The following OPCML variants were observed in gnomAD, a reference collection of about 807,000 sequenced individuals.
OPCML encodes the protein opioid-binding protein/cell adhesion molecule.
In OPCML, 13 loss-of-function variants were observed where a neutral mutation model predicts 37.8. That is an observed-to-expected ratio of 0.34 (90% CI 0.22 to 0.55). The LOEUF (loss-of-function observed/expected upper bound fraction) is 0.55. Among genes scored for constraint, OPCML ranks in the 20% least tolerant of loss-of-function variants. The pLI is 0.91. For missense variants in OPCML, 341 were observed against 435.6 expected (o/e 0.78, Z 1.93); for synonymous variants, 176 against 168.8 (o/e 1.04, Z -0.33).
chr11:133,262,191 T>C (rs1303164680), intron 1 of OPCML, among the ~76,000 whole-genome samples: 1 of 152,210 alleles, frequency 6.6e-6, no homozygotes, highest in East Asian at 1.9e-4. Flanking sequence ...TTATCTCACA[T>C]ATTTGACGTT....
chr11:132,547,888 A>G (rs1236850134), intron 3 of OPCML, among the ~76,000 whole-genome samples: 1 of 152,048 alleles, frequency 6.6e-6, no homozygotes, highest in African/African-American at 2.4e-5. Flanking sequence ...GAGAGACCCA[A>G]AGGAGCTCTC....
At chr11:133,260,858 T>C (rs1164453793) in intron 1 of OPCML, among the ~76,000 whole-genome samples, 1 of 142,918 alleles carries the variant, frequency 7.0e-6, no homozygotes, top group Non-Finnish European at 1.5e-5. Context: ...TCTTCCTTGA[T>C]GCCTTAGTAC....
At chr11:133,064,319 C>T (rs993230018) in intron 1 of OPCML, among the ~76,000 whole-genome samples, 2 of 152,230 alleles carry the variant, frequency 1.3e-5, no homozygotes, top group Non-Finnish European at 2.9e-5. Context: ...CGCTGGGCAG[C>T]CCCTGGTACC....
chr11:132,692,077 G>A (rs1035277007), intron 2 of OPCML, among the ~76,000 whole-genome samples: 1 of 152,128 alleles, frequency 6.6e-6, no homozygotes, highest in African/African-American at 2.4e-5. Context: ...CCTGCTCCCC[G>A]ACTGATTTCT....
chr11:132,840,312 G>T (rs377448170), intron 2 of OPCML, among the ~76,000 whole-genome samples: 1 of 152,210 alleles, frequency 6.6e-6, no homozygotes, highest in Admixed American at 6.5e-5. Flanking sequence ...GGTTGCCTTT[G>T]AAATATTAGA....
intron 3 of OPCML, among the ~76,000 whole-genome samples, chr11:132,643,814 TAGAG>T (rs1356154341): frequency 6.6e-6 from 1 of 152,196 alleles, no homozygotes; most frequent in African/African-American, 2.4e-5. Context: ...TGGTCTGCGT[TAGAG>T]AGCCATGTGC....
intron 3 of OPCML, among the ~76,000 whole-genome samples, chr11:132,536,462 G>T (rs1565645984): frequency 6.6e-6 from 1 of 152,116 alleles, no homozygotes; most frequent in African/African-American, 2.4e-5. Context: ...CAGAGATATG[G>T]AGATTAGATT....
At chr11:133,344,890 C>T (rs1359087373) in intron 1 of OPCML, among the ~76,000 whole-genome samples, 1 of 152,110 alleles carries the variant, frequency 6.6e-6, no homozygotes, top group Admixed American at 6.5e-5. Context: ...ATTGGGACAC[C>T]TCTTAGGAGC....
intron 1 of OPCML, among the ~76,000 whole-genome samples, chr11:133,489,605 A>C (rs958359161): frequency 2.0e-5 from 3 of 152,162 alleles, no homozygotes; most frequent in African/African-American, 4.8e-5. Context: ...CAGAGACTAA[A>C]AAATGCTTAT....
rs183214328 is a variant in OPCML, at chr11:132,903,457, A to G, written c.146+39469T>C. Among the ~76,000 whole-genome samples the G allele has an allele frequency of 1.3e-3, 197 of 152,200 alleles. 1 individual carries two copies. The highest frequency in any genetic ancestry group is 4.6e-3 in the African/African-American group (189 of 41,534). On this transcript the variant is annotated intron_variant, in intron 2 of 7. Coordinates refer to ENST00000524381, the MANE Select transcript of OPCML (RefSeq NM_001012393.5). The stretch of plus-strand genomic sequence containing the variant: ...TAAGCTCCCCAACTTTCTGAATGGA[A>G]CCCTTCTCTCATTCAAGGCCATTCC...
chr11:132,508,683 G>T (rs772552265), intron 4 of OPCML, among the ~76,000 whole-genome samples: 31 of 152,228 alleles, frequency 2.0e-4, no homozygotes, highest in Non-Finnish European at 3.8e-4. Context: ...ATTATTAGGG[G>T]TTTCCGCTTT....
At chr11:133,504,518 A>G (rs1271653386) in intron 1 of OPCML, among the ~76,000 whole-genome samples, 1 of 152,208 alleles carries the variant, frequency 6.6e-6, no homozygotes, top group Non-Finnish European at 1.5e-5. Flanking sequence ...CATCAGTAAA[A>G]GACTGCCCCG....
intron 3 of OPCML, among the ~76,000 whole-genome samples, chr11:132,622,301 A>G (rs959409094): frequency 6.6e-6 from 1 of 152,202 alleles, no homozygotes; most frequent in African/African-American, 2.4e-5. Context: ...AGAGGAGTCA[A>G]ACAACAAAGA....
At chr11:132,422,465 A>T (rs553499767) in intron 7 of OPCML, among the ~76,000 whole-genome samples, 3 of 152,186 alleles carry the variant, frequency 2.0e-5, no homozygotes, top group Non-Finnish European at 4.4e-5. Context: ...GTTTACAGTC[A>T]TATTCAGCTT....
chr11:132,819,983 C>T (rs1297502937), intron 2 of OPCML, among the ~76,000 whole-genome samples: 1 of 152,140 alleles, frequency 6.6e-6, no homozygotes, highest in Non-Finnish European at 1.5e-5. Context: ...TCCTCATCTC[C>T]ATCCAGTGCC....
At chr11:132,747,581 G>T (rs990129217) in intron 2 of OPCML, among the ~76,000 whole-genome samples, 2 of 152,096 alleles carry the variant, frequency 1.3e-5, no homozygotes, top group African/African-American at 4.8e-5. Flanking sequence ...ACTGGGAGAC[G>T]GCATCGTGAA....
chr11:132,429,314 C>T (rs1016709574), intron 7 of OPCML, among the ~76,000 whole-genome samples: 5 of 152,080 alleles, frequency 3.3e-5, no homozygotes, highest in South Asian at 2.1e-4. Context: ...TGTGGCAAAC[C>T]GACAGGAGTT....
intron 1 of OPCML, among the ~76,000 whole-genome samples, chr11:133,252,739 T>C (rs1592142671): frequency 6.6e-6 from 1 of 152,236 alleles, no homozygotes; most frequent in African/African-American, 2.4e-5. Context: ...TTTTTTCCCT[T>C]GACCCTCATT....
rs1448269090 is a variant in OPCML at position 133,001,956 on chromosome 11, A to G, written c.62-58946T>C. ...TTTGTAGCTATGAGTAATAACTGTC[A>G]TCTTTTAAGTGACAAGTGGCTGGAA... On this transcript the variant is annotated intron_variant, in intron 1 of 7. Transcript: ENST00000524381. Among the ~76,000 whole-genome samples, 4 of 152,350 alleles carry G rather than the reference A, an allele frequency of 2.6e-5. No individual in the cohort carries two copies. The East Asian group carries it at 7.7e-4, about 29-fold the overall frequency.
Sources: gnomAD v4.1 joint callset for allele counts (sites outside exome capture counted in the v4.1 genomes callset) on GRCh38, gnomAD v4.1.1 for gene constraint, MANE v1.5 for transcripts, NCBI Gene and HGNC (gene_info 2026-07-23, HGNC 2026-07-21) for gene names.